The following DNAJC5 variants were observed in gnomAD, a reference collection of about 807,000 sequenced individuals.
DNAJC5 encodes the protein DnaJ heat shock protein family (Hsp40) member C5.
A neutral mutation model predicts 23.2 loss-of-function variants in DNAJC5; 1 was observed. The ratio of observed to expected loss-of-function variants is 0.04; its 90% CI spans 0.02 to 0.20. The LOEUF (loss-of-function observed/expected upper bound fraction) is 0.20. Among genes scored for constraint, DNAJC5 ranks in the 10% least tolerant of loss-of-function variants. The probability of loss-of-function intolerance (pLI) is 1.00; values close to 1 mark genes in which losing one functional copy is unlikely to be tolerated. For synonymous variants in DNAJC5, 136 were observed against 120.0 expected, an observed-to-expected ratio of 1.13 and a Z score of -0.87; for missense variants, 180 against 267.0, an observed-to-expected ratio of 0.67 and a Z score of 2.27.
In DNAJC5 at chr20:63,932,782, C is replaced by T. The variant is rs2053684330; in HGVS notation, c.*1214C>T. ...CAGGCCACAGAATCCACACGTGGAC[C>T]ATTGTGGGTCCCTGGGAGGCCGGCA... is the stretch of plus-strand genomic sequence containing the variant. On this transcript the variant is annotated 3_prime_UTR_variant, in exon 5 of 5. Coordinates refer to ENST00000360864, the MANE Select transcript of DNAJC5 (RefSeq NM_025219.3). This position sits in a 1 kb window ranked among gnomAD's most constrained non-coding sequence, Gnocchi z 4.4. 1 of 151,064 alleles carries T rather than the reference C, an allele frequency of 6.6e-6. No homozygotes were observed. The highest frequency in any genetic ancestry group is 2.1e-4 in the South Asian group (1 of 4,792). The allele number at this position is 151,064 out of a possible 1,614,324, so 9.4% of individuals were successfully genotyped here.
At chr20:63,904,078 A>T (rs998643741) in intron 1 of DNAJC5, among the ~76,000 whole-genome samples, 11 of 152,058 alleles carry the variant, frequency 7.2e-5, no homozygotes, top group African/African-American at 2.7e-4. Context: ...CAAATAGCAA[A>T]ACACTCTGAA....
chr20:63,901,817 C>T (rs542242527), intron 1 of DNAJC5, among the ~76,000 whole-genome samples: 1 of 152,272 alleles, frequency 6.6e-6, no homozygotes, highest in Non-Finnish European at 1.5e-5. Flanking sequence ...AGACAAATAA[C>T]GAAGGAAATT....
chr20:63,901,958 C>T (rs564412384), intron 1 of DNAJC5, among the ~76,000 whole-genome samples: 30 of 152,136 alleles, frequency 2.0e-4, no homozygotes, highest in African/African-American at 6.7e-4. Context: ...TTAGCTGCTG[C>T]GATAGGACTA....
Position 63,931,992 on chromosome 20 carries a change from C to G in DNAJC5, c.*424C>G, listed in dbSNP as rs1468389107. On this transcript the variant is annotated 3_prime_UTR_variant, in exon 5 of 5. Coordinates refer to ENST00000360864, the MANE Select transcript of DNAJC5 (RefSeq NM_025219.3). This position sits in a 1 kb window ranked among gnomAD's most constrained non-coding sequence, Gnocchi z 9.6. ...GTGCTTGAGGGGCCGGAGGCAGGTGCTGCCTGGCAGAGCTGTGTTACCGTC... is the reference window on the plus strand; with the variant it reads ...GTGCTTGAGGGGCCGGAGGCAGGTGGTGCCTGGCAGAGCTGTGTTACCGTC... 8.9e-6 allele frequency: 3 copies of G among 336,218 alleles called. No homozygotes were observed. The East Asian group carries it at 2.4e-4, about 27-fold the overall frequency. 20.8% of individuals were successfully genotyped at this position (336,218 alleles called of 1,614,324 possible). A position where few individuals can be genotyped will look rare whatever the true frequency, so the allele number is the denominator to read the frequency against.
chr20:63,914,051 G>A (rs1188818314), intron 1 of DNAJC5, among the ~76,000 whole-genome samples: 1 of 152,160 alleles, frequency 6.6e-6, no homozygotes, highest in African/African-American at 2.4e-5. Flanking sequence ...AGGCTGGGGA[G>A]AGAGCGAGGC....
At position 63,935,767 on chromosome 20, in the gene DNAJC5, A is replaced by C. The variant is rs1450532714; in HGVS notation, c.*4199A>C. ...ATGTTTCAAGCCAGGTGAGGGGGGAAGTTAACACTGAAATATGTATTGTTT... is the reference window on the plus strand; with the variant it reads ...ATGTTTCAAGCCAGGTGAGGGGGGACGTTAACACTGAAATATGTATTGTTT... On this transcript the variant is annotated 3_prime_UTR_variant, in exon 5 of 5. Transcript: ENST00000360864. 1 of 152,234 alleles carries C rather than the reference A, an allele frequency of 6.6e-6. No individual in the cohort carries two copies. Among genetic ancestry groups the C allele is most frequent in the Non-Finnish European group, 1.5e-5 (1 of 68,042 alleles). 9.4% of individuals were successfully genotyped at this position (152,234 alleles called of 1,614,324 possible).
In DNAJC5 at chr20:63,931,508, C is replaced by T. The variant is rs752046563; in HGVS notation, c.537C>T (p.Thr179=). 8.8e-6 allele frequency: 14 copies of T among 1,582,278 alleles called. No individual in the cohort carries two copies. Among genetic ancestry groups the T allele is most frequent in the Admixed American group, 3.5e-5 (2 of 57,356 alleles). The part of the protein sequence containing the change: ...TPIVIQPASA[T]ETTQLTADSH... ...TCGTCATACAGCCGGCATCCGCCACCGAGACCACCCAGCTCACAGCCGACT... is the reference window on the plus strand; with the variant it reads ...TCGTCATACAGCCGGCATCCGCCACTGAGACCACCCAGCTCACAGCCGACT... Residue 179 remains threonine (T), a synonymous_variant, in exon 5 of 5, where the codon ACC becomes ACT. Coordinates refer to ENST00000360864, the MANE Select transcript of DNAJC5 (RefSeq NM_025219.3). This position sits in a 1 kb window ranked among gnomAD's most constrained non-coding sequence, Gnocchi z 9.6.
At position 63,931,887 on chromosome 20, in the gene DNAJC5, G is replaced by A; in HGVS notation, c.*319G>A. 2.4e-6 allele frequency: 1 copy of A among 408,806 alleles called. No homozygotes were observed. Among genetic ancestry groups the A allele is most frequent in the Admixed American group, 3.6e-5 (1 of 28,018 alleles). 25.3% of individuals were successfully genotyped at this position (408,806 alleles called of 1,614,324 possible). ...TGCACGGTGGAGCTGCCTCAGGGCTGTCGGTCAGGTTGGTCCAGTGAGGGG... is the reference window on the plus strand; with the variant it reads ...TGCACGGTGGAGCTGCCTCAGGGCTATCGGTCAGGTTGGTCCAGTGAGGGG... On this transcript the variant is annotated 3_prime_UTR_variant, in exon 5 of 5. Coordinates refer to ENST00000360864, the MANE Select transcript of DNAJC5 (RefSeq NM_025219.3). This position sits in a 1 kb window ranked among gnomAD's most constrained non-coding sequence, Gnocchi z 9.6.
In DNAJC5 at chr20:63,931,994, G is replaced by C. The variant is rs2053676965; in HGVS notation, c.*426G>C. On this transcript the variant is annotated 3_prime_UTR_variant, in exon 5 of 5. Coordinates refer to ENST00000360864, the MANE Select transcript of DNAJC5 (RefSeq NM_025219.3). This position sits in a 1 kb window ranked among gnomAD's most constrained non-coding sequence, Gnocchi z 9.6. Reference sequence around the variant, plus strand: ...GCTTGAGGGGCCGGAGGCAGGTGCTGCCTGGCAGAGCTGTGTTACCGTCTT... The same window carrying C: ...GCTTGAGGGGCCGGAGGCAGGTGCTCCCTGGCAGAGCTGTGTTACCGTCTT... The C allele has an allele frequency of 6.0e-6, 2 of 335,146 alleles. No individual in the cohort carries two copies. The highest frequency in any genetic ancestry group is 8.4e-5 in the Admixed American group (2 of 23,910). The allele number at this position is 335,146 out of a possible 1,614,324, so 20.8% of individuals were successfully genotyped here.
chr20:63,915,350 G>A (rs370928356), intron 1 of DNAJC5, among the ~76,000 whole-genome samples: 37 of 151,926 alleles, frequency 2.4e-4, no homozygotes, highest in Non-Finnish European at 4.3e-4. Context: ...AGCGACGGGC[G>A]TGTAGTGAAC....
Position 63,929,884 on chromosome 20 carries a change from A to G in DNAJC5, c.321+359A>G, listed in dbSNP as rs1471483116. Among the ~76,000 whole-genome samples the G allele has an allele frequency of 6.6e-6, 1 of 152,158 alleles. No individual in the cohort carries two copies. Among genetic ancestry groups the G allele is most frequent in the Non-Finnish European group, 1.5e-5 (1 of 68,028 alleles). On this transcript the variant is annotated intron_variant, in intron 3 of 4. Transcript: ENST00000360864. This position sits in a 1 kb window ranked among gnomAD's most constrained non-coding sequence, Gnocchi z 8.6. ...TGGAGCCTTTCTCCTCACCTGTGTG[A>G]TGGGCGAAGCTCTGTCACTGGCTTG...
At chr20:63,904,946 G>A (rs1427448587) in intron 1 of DNAJC5, among the ~76,000 whole-genome samples, 1 of 151,438 alleles carries the variant, frequency 6.6e-6, no homozygotes, top group African/African-American at 2.4e-5. Context: ...TGGGATTACA[G>A]GTGCCCGCCA....
chr20:63,911,614 T>A (rs1047798328), intron 1 of DNAJC5, among the ~76,000 whole-genome samples: 2 of 152,226 alleles, frequency 1.3e-5, no homozygotes, highest in African/African-American at 4.8e-5. Context: ...CTTTTTATTC[T>A]TAGAATTAAG....
chr20:63,930,450 C>T (rs113790082), intron 3 of DNAJC5, among the ~76,000 whole-genome samples: 9,032 of 152,272 alleles, frequency 0.059, 452 homozygotes, highest in Non-Finnish European at 0.079. Flanking sequence ...CGGGTTCACG[C>T]CATTCTCCTG....
At chr20:63,901,838 G>A (rs2053415036) in intron 1 of DNAJC5, among the ~76,000 whole-genome samples, 1 of 152,204 alleles carries the variant, frequency 6.6e-6, no homozygotes, top group South Asian at 2.1e-4. Context: ...CTGGGTCCAG[G>A]AGTACAGACT....
chr20:63,916,934 C>G (rs142290100), intron 1 of DNAJC5, among the ~76,000 whole-genome samples: 32 of 152,198 alleles, frequency 2.1e-4, no homozygotes, highest in Non-Finnish European at 4.1e-4. Context: ...GTTGTCTTCC[C>G]TTGTTCCCTG....
Position 63,929,598 on chromosome 20 carries a change from G to A in DNAJC5, c.321+73G>A, listed in dbSNP as rs113080441. On this transcript the variant is annotated intron_variant, in intron 3 of 4. Transcript: ENST00000360864. The surrounding 1 kb of genome is among the most constrained non-coding windows in gnomAD (Gnocchi z 8.6). ...TGCGGGCACCCGAGTCTCTCCTGCC[G>A]TGCGGGCACCCGAGTCACTCCTGCC... The A allele has an allele frequency of 0.018, 23,751 of 1,342,600 alleles. 610 individuals are homozygous for A. The highest frequency in any genetic ancestry group is 0.021 in the African/African-American group (1,418 of 67,148). 83.2% of individuals were successfully genotyped at this position (1,342,600 alleles called of 1,614,324 possible). A position where few individuals can be genotyped will look rare whatever the true frequency, so the allele number is the denominator to read the frequency against.
chr20:63,922,583 G>A (rs893982754), intron 1 of DNAJC5, among the ~76,000 whole-genome samples: 12 of 151,894 alleles, frequency 7.9e-5, no homozygotes, highest in Admixed American at 7.2e-4. Flanking sequence ...ATCAGCCTGA[G>A]CAACATAGAC....
At chr20:63,910,819 C>T (rs564484350) in intron 1 of DNAJC5, among the ~76,000 whole-genome samples, 18 of 151,974 alleles carry the variant, frequency 1.2e-4, no homozygotes, top group Non-Finnish European at 2.5e-4. Context: ...ACTACAGGTG[C>T]CCGCCACCAC....
Sources: gnomAD v4.1 joint callset for allele counts (sites outside exome capture counted in the v4.1 genomes callset) on GRCh38, gnomAD v4.1.1 for gene constraint, Gnocchi (gnomAD v3.1) non-coding constraint, MANE v1.5 for transcripts, NCBI Gene and HGNC (gene_info 2026-07-23, HGNC 2026-07-21) for gene names.